NRAP: variants seen among roughly 807,000 people sequenced by gnomAD.
NRAP encodes nebulin related anchoring protein, also known as nebulin-related-anchoring protein.
In NRAP, 189 loss-of-function variants were observed where a neutral mutation model predicts 225.9. That is an observed-to-expected ratio of 0.84 (90% confidence interval 0.74 to 0.94). The LOEUF is 0.94. NRAP is among the 40% of genes least tolerant of loss of function. The probability of loss-of-function intolerance (pLI) is 0.00; values close to 1 mark genes in which losing one functional copy is unlikely to be tolerated. For synonymous variants in NRAP, 769 were observed against 790.7 expected, an observed-to-expected ratio of 0.97 and a Z score of 0.46; for missense variants, 2,176 against 2,168.7, an observed-to-expected ratio of 1.00 and a Z score of -0.07.
At position 113,651,834 on chromosome 10, in the gene NRAP, C is replaced by T. The variant is rs965751106; in HGVS notation, c.644G>A (p.Arg215Gln). ...STVVDTPELL[R>Q]SKAGAQLQSD... is the part of the protein sequence containing the mutation. Reference sequence around the variant, plus strand: ...TTGAAGCTGTGCCCCAGCCTTGCTCCGTAGCAGCTCAGGAGTATCCACCAC... The same window carrying T: ...TTGAAGCTGTGCCCCAGCCTTGCTCTGTAGCAGCTCAGGAGTATCCACCAC... Residue 215 changes from arginine to glutamine, a missense_variant, in exon 7 of 42, where the codon CGG becomes CAG. Physicochemically the swap from Arg to Gln is conservative, Grantham distance 43. Around this residue, in one of 3 missense-constraint regions of NRAP, gnomAD observed 1,708 missense variants for 1,695.5 expected, o/e 1.01. Coordinates refer to ENST00000359988, the MANE Select transcript of NRAP (RefSeq NM_198060.4). 1.5e-5 allele frequency: 25 copies of T among 1,612,940 alleles called. No homozygotes were observed. Among genetic ancestry groups the T allele is most frequent in the African/African-American group, 8.0e-5 (6 of 74,868 alleles).
chr10:113,614,031 C>G (rs188131819), intron 29 of NRAP, 152 bp downstream of exon 29: 1 of 638,370 alleles, frequency 1.6e-6, no homozygotes, highest in Admixed American at 2.4e-5. Context: ...AAGGTGTAGC[C>G]CAGAGGGGAC....
rs998955641 is a variant in NRAP at position 113,621,802 on chromosome 10, C to T, written c.2769+67G>A. 6.2e-6 allele frequency: 9 copies of T among 1,457,800 alleles called. 1 individual carries two copies. In the Admixed American group the frequency reaches 1.7e-4, roughly 27 times the overall value. The allele number at this position is 1,457,800 out of a possible 1,614,324, so 90.3% of individuals were successfully genotyped here. A position where few individuals can be genotyped will look rare whatever the true frequency, so the allele number is the denominator to read the frequency against. The stretch of plus-strand genomic sequence containing the variant: ...TGTTGCACTGAATGGCTTAGGGAAA[C>T]ACTTGCACTAGCACACACACAACAC... On this transcript the variant is annotated intron_variant, in intron 24 of 41. Coordinates refer to ENST00000359988, the MANE Select transcript of NRAP (RefSeq NM_198060.4).
chr10:113,615,335 G>T (rs1019498028), intron 27 of NRAP, among the ~76,000 whole-genome samples: 1 of 152,184 alleles, frequency 6.6e-6, no homozygotes, highest in African/African-American at 2.4e-5. Flanking sequence ...GTGGGCAGGG[G>T]AGCTGACAGA....
At position 113,592,251 on chromosome 10, in the gene NRAP, G is replaced by A. The variant is rs1846033986; in HGVS notation, c.4587C>T (p.Phe1529=). The part of the protein sequence containing the change: ...WEQTRAGSYD[F]RLDAIPFQTA... Reference sequence around the variant, plus strand: ...TCTGGAAGGGGATGGCATCCAGCCTGAAGTCATAACTGCCAGCCCGGGTCT... The same window carrying A: ...TCTGGAAGGGGATGGCATCCAGCCTAAAGTCATAACTGCCAGCCCGGGTCT... Residue 1529 remains phenylalanine, a synonymous_variant, in exon 39 of 42, where the codon TTC becomes TTT. Coordinates refer to ENST00000359988, the MANE Select transcript of NRAP (RefSeq NM_198060.4). 1.2e-6 allele frequency: 2 copies of A among 1,613,002 alleles called. No individual in the cohort carries two copies. Among genetic ancestry groups the A allele is most frequent in the South Asian group, 1.1e-5 (1 of 90,772 alleles).
intron 35 of NRAP, 46 bp downstream of exon 35, chr10:113,604,563 G>C (rs1423645928): frequency 6.4e-7 from 1 of 1,557,850 alleles, no homozygotes; most frequent in Admixed American, 1.7e-5. Flanking sequence ...TTTGGTGAAA[G>C]GAGAAAGGCT....
Position 113,642,977 on chromosome 10 carries a change from G to C in NRAP, c.1172C>G (p.Pro391Arg). ...GATCTTGCTCACGTTCCTGAATTGA[G>C]GTGTTTCACAGTAGTTGATACTGTG... ...RGHSINYCET[P>R]QFRNVSKISK... Residue 391 changes from proline to arginine, a missense_variant, in exon 12 of 42, where the codon CCT becomes CGT. Pro to Arg is a moderately radical substitution (Grantham distance 103). This residue lies in a region of NRAP where 1,708 missense variants were observed against 1,695.5 expected (regional missense o/e 1.01). Transcript: ENST00000359988. The C allele has an allele frequency of 6.2e-7, 1 of 1,607,932 alleles. No homozygotes were observed. Among genetic ancestry groups the C allele is most frequent in the Non-Finnish European group, 8.5e-7 (1 of 1,174,396 alleles).
At position 113,591,069 on chromosome 10, in the gene NRAP, G is replaced by A. The variant is rs1001335727; in HGVS notation, c.4645-180C>T. 3.3e-5 allele frequency among the ~76,000 whole-genome samples: 5 copies of A among 152,266 alleles called. No homozygotes were observed. In the East Asian group the frequency reaches 5.8e-4, roughly 18 times the overall value. ...TGGGCCTGTTACTGAGTTTCTCCATGAGCCTCAGTTTCCCCATCTGATAAA... is the reference window on the plus strand; with the variant it reads ...TGGGCCTGTTACTGAGTTTCTCCATAAGCCTCAGTTTCCCCATCTGATAAA... On this transcript the variant is annotated intron_variant, in intron 39 of 41. Transcript: ENST00000359988.
chr10:113,615,117 C>G (rs921460070), intron 27 of NRAP, among the ~76,000 whole-genome samples, 171 bp from the exon 28 acceptor site: 1 of 148,626 alleles, frequency 6.7e-6, no homozygotes, highest in Non-Finnish European at 1.5e-5. Context: ...GATCCTGCCT[C>G]GTGCCCACCT....
At chr10:113,600,280 C>G (rs777388842) in intron 35 of NRAP, among the ~76,000 whole-genome samples, 21 of 152,008 alleles carry the variant, frequency 1.4e-4, no homozygotes, top group Non-Finnish European at 2.9e-4. Context: ...AAGTGATCCT[C>G]CCACCTCAGC....
rs1592729429 is a variant in NRAP, at chr10:113,597,828, G to C, written c.4332+141C>G. 5.9e-6 allele frequency: 4 copies of C among 672,666 alleles called. No homozygotes were observed. In the Middle Eastern group the frequency reaches 1.2e-3, roughly 200 times the overall value. 41.7% of individuals were successfully genotyped at this position (672,666 alleles called of 1,614,324 possible). On this transcript the variant is annotated intron_variant, in intron 36 of 41. Transcript: ENST00000359988. ...AAACCTCATTCTGTCTTGGGATTTG[G>C]TTGCACATGGCCCTCCAAAAATACT...
chr10:113,603,894 A>G (rs935764696), intron 35 of NRAP, among the ~76,000 whole-genome samples: 55 of 152,034 alleles, frequency 3.6e-4, no homozygotes, highest in African/African-American at 1.2e-3. Context: ...ACGTGCACGC[A>G]CACACACACA....
intron 9 of NRAP, among the ~76,000 whole-genome samples, chr10:113,647,652 G>C (rs1443043920): frequency 1.5e-5 from 2 of 136,262 alleles, no homozygotes; most frequent in African/African-American, 5.3e-5. Flanking sequence ...TCTCCCCCCG[G>C]TGGTACTGCC....
At chr10:113,594,245 C>A (rs928668107) in intron 38 of NRAP, among the ~76,000 whole-genome samples, 2 of 152,240 alleles carry the variant, frequency 1.3e-5, no homozygotes, top group African/African-American at 4.8e-5. Flanking sequence ...CCCTCCACAT[C>A]TTCCTCACAG....
Position 113,642,985 on chromosome 10 carries a change from A to G in NRAP, c.1164T>C (p.Cys388=). The G allele has an allele frequency of 6.2e-7, 1 of 1,608,896 alleles. No homozygotes were observed. The highest frequency in any genetic ancestry group is 8.5e-7 in the Non-Finnish European group (1 of 1,175,204). Residue 388 remains cysteine (C), a synonymous_variant, in exon 12 of 42, where the codon TGT becomes TGC. Transcript: ENST00000359988. ...ESSRGHSINY[C]ETPQFRNVSK... Reference sequence around the variant, plus strand: ...TCACGTTCCTGAATTGAGGTGTTTCACAGTAGTTGATACTGTGACCTCTAC... The same window carrying G: ...TCACGTTCCTGAATTGAGGTGTTTCGCAGTAGTTGATACTGTGACCTCTAC...
At chr10:113,624,501 T>G (rs1848177741) in intron 22 of NRAP, among the ~76,000 whole-genome samples, 1 of 152,132 alleles carries the variant, frequency 6.6e-6, no homozygotes, top group Non-Finnish European at 1.5e-5. Flanking sequence ...CCCAGACCAT[T>G]TGGAGCAAAT....
intron 27 of NRAP, among the ~76,000 whole-genome samples, chr10:113,615,285 A>G (rs1318775062): frequency 6.6e-6 from 1 of 152,208 alleles, no homozygotes; most frequent in Non-Finnish European, 1.5e-5. Context: ...TTTATGTCAG[A>G]TAGAGAAAAG....
intron 13 of NRAP, among the ~76,000 whole-genome samples, chr10:113,641,116 A>G (rs1210042671): frequency 1.3e-5 from 2 of 152,258 alleles, no homozygotes; most frequent in African/African-American, 4.8e-5. Flanking sequence ...GATTCATTAT[A>G]ATAGACTGAA....
chr10:113,629,281 GC>G (rs1564734225), intron 19 of NRAP, among the ~76,000 whole-genome samples: 1 of 146,254 alleles, frequency 6.8e-6, no homozygotes, highest in Non-Finnish European at 1.5e-5. Context: ...TTGACCAAGG[GC>G]CTTTTTTTTG....
Position 113,604,545 on chromosome 10 carries a change from C to T in NRAP, c.4227+64G>A, listed in dbSNP as rs915374511. The T allele has an allele frequency of 3.5e-6, 5 of 1,446,932 alleles. No individual in the cohort carries two copies. The Admixed American group carries it at 7.2e-5, about 21-fold the overall frequency. 89.6% of individuals were successfully genotyped at this position (1,446,932 alleles called of 1,614,324 possible). On this transcript the variant is annotated intron_variant, in intron 35 of 41. Transcript: ENST00000359988. ...AGACTAAGGAAGAAGCAGAGATTGA[C>T]ACCCGGGTTTGGTGAAAGGAGAAAG...
Sources: gnomAD v4.1 joint callset for allele counts (sites outside exome capture counted in the v4.1 genomes callset) on GRCh38, gnomAD v4.1.1 for gene constraint, gnomAD v4.1.1 regional missense constraint, MANE v1.5 for transcripts, NCBI Gene and HGNC (gene_info 2026-07-23, HGNC 2026-07-21) for gene names.